The following KATNA1 variants were observed in gnomAD, a reference collection of about 807,000 sequenced individuals.
KATNA1 encodes the protein katanin p60 ATPase-containing subunit A1.
KATNA1 carries 42 observed loss-of-function variants against 62.6 expected under a neutral mutation model. That is an observed-to-expected ratio of 0.67 (90% CI 0.52 to 0.87). The LOEUF (loss-of-function observed/expected upper bound fraction) is 0.87. Ranked by LOEUF, KATNA1 falls within the 40% of genes least tolerant of loss-of-function variation. The probability of loss-of-function intolerance (pLI) is 0.00; values close to 1 mark genes in which losing one functional copy is unlikely to be tolerated. For synonymous variants in KATNA1, 186 were observed against 201.9 expected, an observed-to-expected ratio of 0.92 and a Z score of 0.67; for missense variants, 498 against 612.5, an observed-to-expected ratio of 0.81 and a Z score of 1.97.
intron 7 of KATNA1, among the ~76,000 whole-genome samples, chr6:149,598,993 T>G (rs749717501): frequency 2.6e-5 from 4 of 151,952 alleles, no homozygotes; most frequent in Admixed American, 6.6e-5. Context: ...ACCTCCCGAG[T>G]AGCTAGGACT....
At chr6:149,631,781 G>A (rs932382887) in intron 3 of KATNA1, among the ~76,000 whole-genome samples, 1 of 152,108 alleles carries the variant, frequency 6.6e-6, no homozygotes. Flanking sequence ...ACATCCACCT[G>A]CACACTTGTC....
intron 3 of KATNA1, among the ~76,000 whole-genome samples, chr6:149,629,489 C>A (rs1260782745): frequency 1.3e-5 from 2 of 152,060 alleles, no homozygotes; most frequent in Non-Finnish European, 2.9e-5. Flanking sequence ...GTTTAAGCCA[C>A]CCAGTGTATG....
intron 4 of KATNA1, among the ~76,000 whole-genome samples, chr6:149,609,371 A>G (rs1189510133): frequency 2.2e-5 from 3 of 138,754 alleles, no homozygotes; most frequent in African/African-American, 6.3e-5. Context: ...TTTTTTAAGG[A>G]AAAAAAAAAA....
At chr6:149,617,380 G>T (rs1479125697) in intron 4 of KATNA1, among the ~76,000 whole-genome samples, 1 of 152,126 alleles carries the variant, frequency 6.6e-6, no homozygotes, top group Non-Finnish European at 1.5e-5. Flanking sequence ...AAACTCAGTT[G>T]AATTTCTATA....
intron 7 of KATNA1, among the ~76,000 whole-genome samples, chr6:149,598,665 G>A (rs1044373596): frequency 6.6e-6 from 1 of 152,018 alleles, no homozygotes; most frequent in Non-Finnish European, 1.5e-5. Flanking sequence ...AGGCTGCAGT[G>A]AGCTATGATC....
intron 1 of KATNA1, among the ~76,000 whole-genome samples, chr6:149,639,822 T>G (rs1780211898): frequency 6.6e-6 from 1 of 152,206 alleles, no homozygotes; most frequent in Admixed American, 6.5e-5. Context: ...TTACAGTTTC[T>G]ATATATGTCT....
rs1176554428 is a variant in KATNA1 at position 149,611,122 on chromosome 6, T to G, written c.502-6340A>C. Among the ~76,000 whole-genome samples, 9 of 152,000 alleles carry G rather than the reference T, an allele frequency of 5.9e-5. No homozygotes were observed. The South Asian group carries it at 1.9e-3, about 32-fold the overall frequency. ...AGTCTCAAATAATCATTTAAGCTTT[T>G]ACCTCATGAATGTAGAAAAGAACAA... On this transcript the variant is annotated intron_variant, in intron 4 of 10. Coordinates refer to ENST00000367411, the MANE Select transcript of KATNA1 (RefSeq NM_007044.4).
At position 149,617,967 on chromosome 6, in the gene KATNA1, T is replaced by TA. The variant is rs1452634435; in HGVS notation, c.501+5135dup. On this transcript the variant is annotated intron_variant, in intron 4 of 10. Coordinates refer to ENST00000367411, the MANE Select transcript of KATNA1 (RefSeq NM_007044.4). ...ATAAATAAATAAATAAATAAATAAATAATAAAATAAATAAATAAATAAATA... is the reference window on the plus strand; with the variant it reads ...ATAAATAAATAAATAAATAAATAAATAAATAAAATAAATAAATAAATAAATA... Among the ~76,000 whole-genome samples the TA allele has an allele frequency of 1.2e-4, 13 of 110,838 alleles. No homozygotes were observed. The East Asian group carries it at 1.3e-3, about 11-fold the overall frequency. 72.7% of individuals were successfully genotyped at this position (110,838 alleles called of 152,430 possible). A position where few individuals can be genotyped will look rare whatever the true frequency, so the allele number is the denominator to read the frequency against.
At chr6:149,599,167 A>G (rs1320048534) in intron 7 of KATNA1, among the ~76,000 whole-genome samples, 1 of 152,092 alleles carries the variant, frequency 6.6e-6, no homozygotes, top group African/African-American at 2.4e-5. Context: ...TAGTGGGATA[A>G]TTTCATCTTT....
At chr6:149,634,241 C>T (rs1779971730) in intron 2 of KATNA1, among the ~76,000 whole-genome samples, 1 of 143,790 alleles carries the variant, frequency 7.0e-6, no homozygotes, top group South Asian at 2.1e-4. Flanking sequence ...CCATTGCACT[C>T]CTGCCTGGGC....
chr6:149,612,786 A>G (rs1409370842), intron 4 of KATNA1, among the ~76,000 whole-genome samples: 1 of 152,172 alleles, frequency 6.6e-6, no homozygotes, highest in Non-Finnish European at 1.5e-5. Flanking sequence ...TTCCAGGGAC[A>G]TAAGACTAGT....
intron 4 of KATNA1, among the ~76,000 whole-genome samples, chr6:149,616,136 G>C (rs915088257): frequency 5.9e-5 from 9 of 152,186 alleles, no homozygotes; most frequent in African/African-American, 2.2e-4. Flanking sequence ...ATCTGAAAAT[G>C]AATGGTTGTG....
intron 8 of KATNA1, 33 bp from the exon 9 acceptor site, chr6:149,597,674 T>C (rs1174495324): frequency 6.3e-7 from 1 of 1,596,736 alleles, no homozygotes; most frequent in Non-Finnish European, 8.5e-7. Context: ...GTGAAAAAGA[T>C]ATTAAGTTGG....
rs963359204 is a variant in KATNA1 at position 149,643,548 on chromosome 6, A to G, written c.-14+4921T>C. The stretch of plus-strand genomic sequence containing the variant: ...CCCTGGATTCATGACCACTGATCAT[A>G]TTCTATCTTAATAAAAGCCTAAAGG... On this transcript the variant is annotated intron_variant, in intron 1 of 10. Coordinates refer to ENST00000367411, the MANE Select transcript of KATNA1 (RefSeq NM_007044.4). Among the ~76,000 whole-genome samples the G allele has an allele frequency of 2.0e-5, 3 of 152,316 alleles. No individual in the cohort carries two copies. In the South Asian group the frequency reaches 6.2e-4, roughly 32 times the overall value.
intron 4 of KATNA1, among the ~76,000 whole-genome samples, chr6:149,619,960 TATAC>T (rs57598954): frequency 0.45 from 68,271 of 151,386 alleles, 16,500 homozygotes; most frequent in East Asian, 0.81. Flanking sequence ...GTGGCATGCA[TATAC>T]ATACATACAT....
At chr6:149,622,478 A>T (rs1396439583) in intron 4 of KATNA1, among the ~76,000 whole-genome samples, 1 of 152,170 alleles carries the variant, frequency 6.6e-6, no homozygotes, top group Non-Finnish European at 1.5e-5. Flanking sequence ...GATAAGTCAA[A>T]AGGGGCATAA....
chr6:149,635,674 A>C (rs1780039048), intron 2 of KATNA1, among the ~76,000 whole-genome samples: 1 of 152,134 alleles, frequency 6.6e-6, no homozygotes, highest in South Asian at 2.1e-4. Context: ...GCGCCACTGC[A>C]CTACAGCCTG....
chr6:149,624,061 C>G (rs1421425051), intron 3 of KATNA1, among the ~76,000 whole-genome samples: 1 of 152,020 alleles, frequency 6.6e-6, no homozygotes, highest in African/African-American at 2.4e-5. Context: ...TTCTGGGGAC[C>G]AGAAGTGTTT....
intron 4 of KATNA1, among the ~76,000 whole-genome samples, chr6:149,621,683 G>A (rs977367587): frequency 5.3e-5 from 8 of 151,480 alleles, no homozygotes; most frequent in Non-Finnish European, 1.0e-4. Flanking sequence ...AGTAGAGACA[G>A]GGTTTCACCA....
Sources: allele counts gnomAD v4.1 joint callset (sites outside exome capture counted in the v4.1 genomes callset), GRCh38; gene constraint gnomAD v4.1.1; transcripts MANE v1.5; gene names NCBI Gene and HGNC (gene_info 2026-07-23, HGNC 2026-07-21).